The following CCDC171 variants were observed in gnomAD, a reference collection of about 807,000 sequenced individuals.
CCDC171 encodes coiled-coil domain containing 171.
In CCDC171, 177 loss-of-function variants were observed where a neutral mutation model predicts 168.2. The observed-to-expected ratio is 1.05, with a 90% CI of 0.93 to 1.19. The LOEUF is 1.19. Among genes scored for constraint, CCDC171 ranks in the 50% most tolerant of loss-of-function variants. The probability of loss-of-function intolerance (pLI) is 0.00; values close to 1 mark genes in which losing one functional copy is unlikely to be tolerated. For missense variants in CCDC171, 1,991 were observed against 1,539.0 expected, an observed-to-expected ratio of 1.29 and a Z score of -4.91; for synonymous variants, 687 against 540.8, an observed-to-expected ratio of 1.27 and a Z score of -3.75.
intron 6 of CCDC171, among the ~76,000 whole-genome samples, chr9:15,610,483 T>TAAAAAAAAAAAAAA (rs1351393897): frequency 2.3e-5 from 1 of 43,084 alleles, no homozygotes; most frequent in African/African-American, 8.5e-5. Context: ...AAAAAAAAAC[T>TAAAAAAAAAAAAAA]GGGCGTGGTG....
At chr9:15,629,042 A>G (rs1027016229) in intron 7 of CCDC171, among the ~76,000 whole-genome samples, 5 of 152,170 alleles carry the variant, frequency 3.3e-5, no homozygotes, top group African/African-American at 1.2e-4. Context: ...CATCACCATC[A>G]TCAAAGACCA....
intron 16 of CCDC171, among the ~76,000 whole-genome samples, chr9:15,730,730 T>C (rs1229789721): frequency 6.6e-6 from 1 of 151,954 alleles, no homozygotes; most frequent in Non-Finnish European, 1.5e-5. Flanking sequence ...TATGAACTTA[T>C]GCCTTTCTAT....
intron 11 of CCDC171, among the ~76,000 whole-genome samples, chr9:15,698,259 C>T (rs957991238): frequency 2.0e-5 from 3 of 152,078 alleles, no homozygotes; most frequent in Non-Finnish European, 2.9e-5. Context: ...CGGTGGCTCA[C>T]GCCTGTAATC....
intron 1 of CCDC171, among the ~76,000 whole-genome samples, chr9:16,058,255 G>A (rs1478253000): frequency 6.6e-6 from 1 of 151,912 alleles, no homozygotes; most frequent in East Asian, 1.9e-4. Context: ...GCCTATGACT[G>A]ACTCAGGCCC....
chr9:15,708,173 G>C (rs917104314), intron 11 of CCDC171, among the ~76,000 whole-genome samples: 1 of 152,192 alleles, frequency 6.6e-6, no homozygotes, highest in Non-Finnish European at 1.5e-5. Flanking sequence ...GCATTTCTTC[G>C]TGCCTATGTT....
At chr9:16,091,189 C>G in the CCDC171 span, among the ~76,000 whole-genome samples, 1 of 152,216 alleles carries the variant, frequency 6.6e-6, no homozygotes, top group Non-Finnish European at 1.5e-5. Context: ...TGAACCCCTC[C>G]TCCATCCCAC....
intron 6 of CCDC171, among the ~76,000 whole-genome samples, chr9:16,023,172 A>G (rs539981224): frequency 4.0e-4 from 61 of 151,570 alleles, no homozygotes; most frequent in African/African-American, 1.4e-3. Context: ...GGTTCATTGT[A>G]TTCTGTTTTC....
intron 7 of CCDC171, among the ~76,000 whole-genome samples, chr9:15,626,134 A>G (rs968625818): frequency 3.9e-5 from 6 of 152,322 alleles, no homozygotes; most frequent in Non-Finnish European, 1.5e-5. Flanking sequence ...ATTGGTGTAT[A>G]AGAATGCTTG....
At chr9:15,611,115 C>T (rs147784577) in intron 6 of CCDC171, among the ~76,000 whole-genome samples, 78 of 152,138 alleles carry the variant, frequency 5.1e-4, no homozygotes, top group African/African-American at 1.6e-3. Flanking sequence ...AAGTGTGTAG[C>T]GCCTCCTTCC....
At chr9:15,991,557 GA>G (rs1286731195) in intron 3 of CCDC171, among the ~76,000 whole-genome samples, 1 of 152,082 alleles carries the variant, frequency 6.6e-6, no homozygotes, top group African/African-American at 2.4e-5. Flanking sequence ...AAAGCTAGCA[GA>G]AGGCAAGAAA....
chr9:15,639,071 G>A (rs1477240161), intron 7 of CCDC171, among the ~76,000 whole-genome samples: 1 of 151,986 alleles, frequency 6.6e-6, no homozygotes, highest in Non-Finnish European at 1.5e-5. Context: ...ATAAAAAAGG[G>A]TAAAAGGTAG....
chr9:15,927,955 A>G (rs1826071908), intron 25 of CCDC171, among the ~76,000 whole-genome samples: 2 of 151,696 alleles, frequency 1.3e-5, no homozygotes, highest in Non-Finnish European at 2.9e-5. Flanking sequence ...TAGCCCTTTA[A>G]GAATATTTTT....
chr9:15,829,325 C>T (rs1444342199), intron 21 of CCDC171, among the ~76,000 whole-genome samples: 7 of 151,970 alleles, frequency 4.6e-5, no homozygotes, highest in Non-Finnish European at 8.8e-5. Flanking sequence ...AAAGAAAAGC[C>T]GATACATGAT....
At position 15,866,720 on chromosome 9, in the gene CCDC171, T is replaced by C. The variant is rs565067258; in HGVS notation, c.3469-7812T>C. On this transcript the variant is annotated intron_variant, in intron 23 of 25. Coordinates refer to ENST00000380701, the MANE Select transcript of CCDC171 (RefSeq NM_173550.4). ...GCAAAGAAAGAAGGCAGTATAGCAA[T>C]TGACAGGAGAAACAAGACATTATAG... Among the ~76,000 whole-genome samples, 22 of 152,050 alleles carry C rather than the reference T, an allele frequency of 1.4e-4. No individual in the cohort carries two copies. In the South Asian group the frequency reaches 4.4e-3, roughly 30 times the overall value.
chr9:15,793,294 C>T (rs1402052195), intron 21 of CCDC171, among the ~76,000 whole-genome samples: 4 of 151,866 alleles, frequency 2.6e-5, no homozygotes, highest in African/African-American at 9.7e-5. Context: ...TATATATGCA[C>T]CCAATACAGG....
intron 7 of CCDC171, among the ~76,000 whole-genome samples, chr9:15,649,053 T>C (rs965350010): frequency 3.3e-5 from 5 of 152,132 alleles, no homozygotes; most frequent in Admixed American, 6.5e-5. Context: ...AACAGAGATA[T>C]AGACCAATGG....
chr9:15,649,543 A>C (rs2047333584), intron 7 of CCDC171, among the ~76,000 whole-genome samples: 2 of 152,208 alleles, frequency 1.3e-5, no homozygotes, highest in South Asian at 2.1e-4. Context: ...AACTCAAACA[A>C]ATTTACAAGA....
the CCDC171 span, among the ~76,000 whole-genome samples, chr9:16,069,182 A>T: frequency 6.6e-6 from 1 of 152,202 alleles, no homozygotes; most frequent in Non-Finnish European, 1.5e-5. Context: ...GGTTAAAATC[A>T]TAAGAAAAGA....
chr9:15,723,728 T>A lies in CCDC171; in HGVS notation c.1473T>A (p.Ser491=), dbSNP rs561020573. ...ELDSTKQKID[S]HTKNIKELQD... is the part of the protein sequence containing the mutation. ...ATTCTACGAAACAGAAGATAGACTC[T>A]CACACTAAAAATATAAAGGTATTAT... Residue 491 remains serine, a synonymous_variant, in exon 13 of 26, where the codon TCT becomes TCA. Transcript: ENST00000380701. 4 of 1,538,552 alleles carry A rather than the reference T, an allele frequency of 2.6e-6. No individual in the cohort carries two copies. The South Asian group carries it at 4.6e-5, about 18-fold the overall frequency.
Sources: allele counts gnomAD v4.1 joint callset (sites outside exome capture counted in the v4.1 genomes callset), GRCh38; gene constraint gnomAD v4.1.1; transcripts MANE v1.5; gene names NCBI Gene and HGNC (gene_info 2026-07-23, HGNC 2026-07-21).